Variants in CABIN1 observed in about 807,000 individuals in gnomAD.
CABIN1 encodes calcineurin-binding protein cabin-1.
CABIN1 carries 133 observed loss-of-function variants against 227.7 expected under a neutral mutation model. The observed-to-expected ratio is 0.58, with a 90% confidence interval of 0.51 to 0.67. The LOEUF (loss-of-function observed/expected upper bound fraction) is 0.67. CABIN1 is among the 30% of genes least tolerant of loss of function. The pLI, the probability that CABIN1 is intolerant of heterozygous loss-of-function variation, is 0.00. For missense variants in CABIN1, 2,408 were observed against 2,852.5 expected, an observed-to-expected ratio of 0.84 and a Z score of 3.55; for synonymous variants, 1,086 against 1,155.1, an observed-to-expected ratio of 0.94 and a Z score of 1.21.
At chr22:24,133,115 C>T (rs2044172105) in intron 28 of CABIN1, among the ~76,000 whole-genome samples, 1 of 152,178 alleles carries the variant, frequency 6.6e-6, no homozygotes, top group Admixed American at 6.5e-5. Context: ...GCAGGGGGTC[C>T]CTCAGCAGAC....
intron 34 of CABIN1, chr22:24,175,896 G>A (rs1180674507): frequency 2.6e-5 from 17 of 642,598 alleles, no homozygotes; most frequent in Non-Finnish European, 3.6e-5. Flanking sequence ...AGCCCTCTGG[G>A]GGTGGGGAGC....
intron 29 of CABIN1, among the ~76,000 whole-genome samples, chr22:24,146,669 T>A (rs5760221): frequency 0.29 from 43,588 of 152,026 alleles, 7,847 homozygotes; most frequent in African/African-American, 0.51. Flanking sequence ...TTAGAATTTT[T>A]AAAAAAATAA....
rs200563699 is a variant in CABIN1 at position 24,035,499 on chromosome 22, G to C, written c.-19G>C. On this transcript the variant is annotated 5_prime_UTR_variant, in exon 2 of 37. Transcript: ENST00000263119. ...GTGATGAGAAGTGATGCTCGTGGCA[G>C]TGCTGAATCTCTCTGAATATGGTAA... 542 of 1,614,076 alleles carry C rather than the reference G, an allele frequency of 3.4e-4. 1 individual carries two copies. Among genetic ancestry groups the C allele is most frequent in the Non-Finnish European group, 3.7e-4 (436 of 1,180,026 alleles).
intron 33 of CABIN1, 75 bp from the exon 34 acceptor site, chr22:24,171,638 G>T: frequency 6.4e-7 from 1 of 1,570,496 alleles, no homozygotes; most frequent in South Asian, 1.1e-5. Flanking sequence ...GACAGCACTG[G>T]TCGGCTGGCG....
chr22:24,156,551 G>C (rs1249516728), intron 29 of CABIN1: 1 of 153,950 alleles, frequency 6.5e-6, no homozygotes, highest in African/African-American at 2.4e-5. Flanking sequence ...CCGACGAGGA[G>C]CTGTGCCGTG....
At chr22:24,050,999 G>C (rs1002191695) in intron 8 of CABIN1, 25 bp downstream of exon 8, 1 of 1,613,790 alleles carries the variant, frequency 6.2e-7, no homozygotes, top group Non-Finnish European at 8.5e-7. Flanking sequence ...GTCTCTGGGA[G>C]TGCTGGGTCG....
chr22:24,141,630 T>C (rs1279022155), intron 29 of CABIN1, among the ~76,000 whole-genome samples: 1 of 152,094 alleles, frequency 6.6e-6, no homozygotes, highest in African/African-American at 2.4e-5. Context: ...CAGATGACTT[T>C]CATTTTGGCC....
chr22:24,160,806 C>G (rs1030045042), intron 29 of CABIN1, among the ~76,000 whole-genome samples: 7 of 152,280 alleles, frequency 4.6e-5, no homozygotes, highest in Non-Finnish European at 8.8e-5. Flanking sequence ...GCACAGCCCT[C>G]CTGCCCCCAG....
At chr22:24,092,274 C>G (rs543951752) in intron 24 of CABIN1, among the ~76,000 whole-genome samples, 1 of 152,270 alleles carries the variant, frequency 6.6e-6, no homozygotes, top group South Asian at 2.1e-4. Flanking sequence ...TTGGCAGGGG[C>G]TGAGCTAGGG....
chr22:24,019,491 GC>G (rs2035556627), intron 1 of CABIN1, among the ~76,000 whole-genome samples: 1 of 151,906 alleles, frequency 6.6e-6, no homozygotes, highest in African/African-American at 2.4e-5. Context: ...CTGACCTCAA[GC>G]AATCCACCCA....
intron 1 of CABIN1, among the ~76,000 whole-genome samples, chr22:24,011,882 T>C (rs1244860251): frequency 6.6e-6 from 1 of 152,214 alleles, no homozygotes; most frequent in African/African-American, 2.4e-5. Flanking sequence ...AGGCGGGCCC[T>C]GGCCAGATGG....
intron 1 of CABIN1, among the ~76,000 whole-genome samples, chr22:24,024,296 A>G (rs1343354122): frequency 6.6e-6 from 1 of 152,094 alleles, no homozygotes; most frequent in Non-Finnish European, 1.5e-5. Flanking sequence ...AAAGTTTTAC[A>G]TTTTGATGAA....
chr22:24,145,673 T>G (rs2045067433), intron 29 of CABIN1, among the ~76,000 whole-genome samples: 1 of 152,098 alleles, frequency 6.6e-6, no homozygotes, highest in Admixed American at 6.5e-5. Flanking sequence ...CGTGCATGCA[T>G]ATGTCTGTCC....
At chr22:24,117,623 G>A (rs779927763) in intron 27 of CABIN1, among the ~76,000 whole-genome samples, 2 of 152,282 alleles carry the variant, frequency 1.3e-5, no homozygotes, top group Middle Eastern at 3.4e-3. Flanking sequence ...GCGGCTGAGC[G>A]GGTCTTCCCT....
rs868136991 is a variant in CABIN1, at chr22:24,178,520, G to A, written c.*324G>A. 3.2e-4 allele frequency: 125 copies of A among 392,074 alleles called. No homozygotes were observed. The highest frequency in any genetic ancestry group is 1.7e-3 in the South Asian group (72 of 42,550). 24.3% of individuals were successfully genotyped at this position (392,074 alleles called of 1,614,324 possible). On this transcript the variant is annotated 3_prime_UTR_variant, in exon 37 of 37. Transcript: ENST00000263119. ...ACCCAGCTGGCCATATCCACCCCTC[G>A]ACGCCGGGATGAGCCGGCTCTGCCT...
chr22:24,100,092 A>T (rs2042115401), intron 26 of CABIN1, among the ~76,000 whole-genome samples: 1 of 152,268 alleles, frequency 6.6e-6, no homozygotes, highest in African/African-American at 2.4e-5. Context: ...AGAGGGAGCC[A>T]TACAAATAAG....
intron 18 of CABIN1, 111 bp from the exon 19 acceptor site, chr22:24,076,058 C>T (rs1319835938): frequency 1.4e-6 from 1 of 709,848 alleles, no homozygotes; most frequent in African/African-American, 1.8e-5. Context: ...AGTCTGTAGT[C>T]ATGTTGATAA....
At chr22:24,148,843 G>A (rs1184435331) in intron 29 of CABIN1, among the ~76,000 whole-genome samples, 3 of 152,224 alleles carry the variant, frequency 2.0e-5, no homozygotes, top group Non-Finnish European at 2.9e-5. Flanking sequence ...AGCGGAGGCT[G>A]TGGGCTCTCC....
chr22:24,057,518 T>C (rs902792130), intron 10 of CABIN1, among the ~76,000 whole-genome samples: 6 of 152,226 alleles, frequency 3.9e-5, no homozygotes, highest in Non-Finnish European at 7.3e-5. Context: ...TCCTTCGTTG[T>C]TACTGGAATG....
Sources: gnomAD v4.1 joint callset for allele counts (sites outside exome capture counted in the v4.1 genomes callset) on GRCh38, gnomAD v4.1.1 for gene constraint, MANE v1.5 for transcripts, NCBI Gene and HGNC (gene_info 2026-07-23, HGNC 2026-07-21) for gene names.